The following RO60 variants were observed in gnomAD, a reference collection of about 807,000 sequenced individuals.
The protein encoded by RO60 is RNA-binding protein RO60.
RO60 carries 20 observed loss-of-function variants against 55.3 expected under a neutral mutation model. The observed-to-expected ratio is 0.36, with a 90% CI of 0.25 to 0.53. RO60 has a LOEUF of 0.53. RO60 is among the 20% of genes least tolerant of loss of function. RO60 has a pLI of 0.92. For synonymous variants in RO60, 213 were observed against 213.6 expected, an observed-to-expected ratio of 1.00 and a Z score of 0.02; for missense variants, 558 against 646.6, an observed-to-expected ratio of 0.86 and a Z score of 1.49.
intron 1 of RO60, among the ~76,000 whole-genome samples, chr1:193,063,034 T>G (rs989525056): frequency 6.6e-6 from 1 of 152,230 alleles, no homozygotes; most frequent in African/African-American, 2.4e-5. Context: ...GTATTCATTT[T>G]TCTTAGGTGT....
chr1:193,063,685 G>T (rs1446919947), intron 1 of RO60, among the ~76,000 whole-genome samples: 22 of 152,186 alleles, frequency 1.4e-4, no homozygotes, highest in Non-Finnish European at 4.4e-5. Context: ...GCTGCCCAGG[G>T]TTGGCATCAG....
chr1:193,091,772 A>T, downstream of RO60: 1 of 1,117,230 alleles, frequency 9.0e-7, no homozygotes, highest in Non-Finnish European at 1.3e-6. Flanking sequence ...CTCTATGCAC[A>T]TTAAACAAGT....
At chr1:193,076,812 T>C (rs1010053495) in intron 4 of RO60, 101 bp from the exon 5 acceptor site, 13 of 1,378,106 alleles carry the variant, frequency 9.4e-6, no homozygotes, top group Non-Finnish European at 1.3e-5. Flanking sequence ...TTTTTCTCTT[T>C]TCTATATGAA....
rs905275593 is a variant in RO60, at chr1:193,069,739, G to C, written c.580+105G>C. 15 of 895,638 alleles carry C rather than the reference G, an allele frequency of 1.7e-5. No homozygotes were observed. The African/African-American group carries it at 2.2e-4, about 13-fold the overall frequency. 55.5% of individuals were successfully genotyped at this position (895,638 alleles called of 1,614,324 possible). On this transcript the variant is annotated intron_variant, in intron 2 of 8. Coordinates refer to ENST00000400968, the MANE Select transcript of RO60 (RefSeq NM_001173524.2). ...AAGTGTGTAATATTTTCTAGAAATA[G>C]CCTTTTATTCTCAAAATATACATTA...
At chr1:193,061,629 T>TA (rs1672744965) in intron 1 of RO60, among the ~76,000 whole-genome samples, 1 of 152,266 alleles carries the variant, frequency 6.6e-6, no homozygotes, top group African/African-American at 2.4e-5. Context: ...TTTTGCATTC[T>TA]AAATTAAATT....
Position 193,084,603 on chromosome 1 carries a change from A to G in RO60, c.1489A>G (p.Ile497Val), listed in dbSNP as rs749159363. Residue 497 changes from isoleucine to valine, a missense_variant, in exon 9 of 9, where the codon ATT (isoleucine) becomes GTT (valine). Ile to Val is a conservative substitution (Grantham distance 29, BLOSUM62 3). Transcript: ENST00000400968. ...GAAAATGGATATTCCAGCTAAATTG[A>G]TTGTTTGTGGAATGACATCAAATGG... ...RKKMDIPAKL[I>V]VCGMTSNGFT... 14 of 1,612,314 alleles carry G rather than the reference A, an allele frequency of 8.7e-6. No homozygotes were observed. The highest frequency in any genetic ancestry group is 1.1e-5 in the South Asian group (1 of 90,554).
chr1:193,077,397 G>A (rs1294604400), intron 5 of RO60, among the ~76,000 whole-genome samples: 1 of 152,184 alleles, frequency 6.6e-6, no homozygotes, highest in Non-Finnish European at 1.5e-5. Context: ...AGGTTGTAGA[G>A]GAAGCACAGT....
At chr1:193,076,456 A>AT in intron 3 of RO60, 45 bp from the exon 4 acceptor site, 1 of 1,591,590 alleles carries the variant, frequency 6.3e-7, no homozygotes, top group Non-Finnish European at 8.5e-7. Context: ...ATACTGATTT[A>AT]TTTTCCCTTA....
At chr1:193,060,692 A>G (rs1209166291) in intron 1 of RO60, among the ~76,000 whole-genome samples, 1 of 152,230 alleles carries the variant, frequency 6.6e-6, no homozygotes, top group Non-Finnish European at 1.5e-5. Context: ...TGAGTACGCT[A>G]TGGGGTAGAA....
rs371826009 is a variant in RO60, at chr1:193,084,751, C to A, written c.*20C>A. Reference sequence around the variant, plus strand: ...ATTTAACCATAAGCAGCAGCACGATCCAGAGATCCATTGCCATCAGTGATC... The same window carrying A: ...ATTTAACCATAAGCAGCAGCACGATACAGAGATCCATTGCCATCAGTGATC... On this transcript the variant is annotated 3_prime_UTR_variant, in exon 9 of 9. Transcript: ENST00000400968. The A allele has an allele frequency of 6.2e-7, 1 of 1,602,644 alleles. No individual in the cohort carries two copies. Among genetic ancestry groups the A allele is most frequent in the African/African-American group, 1.3e-5 (1 of 74,370 alleles).
chr1:193,086,271 G>T lies in RO60; in HGVS notation c.*1540G>T, dbSNP rs985396628. ...TGTGAAATTTGGGCTCTGGGAATAAGAAAATATTCCTTTCAAATTTATTTG... is the reference window on the plus strand; with the variant it reads ...TGTGAAATTTGGGCTCTGGGAATAATAAAATATTCCTTTCAAATTTATTTG... On this transcript the variant is annotated 3_prime_UTR_variant, in exon 9 of 9. Transcript: ENST00000400968. 1.3e-5 allele frequency: 2 copies of T among 153,466 alleles called. No individual in the cohort carries two copies. The highest frequency in any genetic ancestry group is 4.8e-5 in the African/African-American group (2 of 41,436). The allele number at this position is 153,466 out of a possible 1,614,324, so 9.5% of individuals were successfully genotyped here. A position where few individuals can be genotyped will look rare whatever the true frequency, so the allele number is the denominator to read the frequency against.
chr1:193,084,059 A>C (rs1674495996), intron 8 of RO60, among the ~76,000 whole-genome samples: 2 of 152,222 alleles, frequency 1.3e-5, no homozygotes, highest in Admixed American at 6.5e-5. Flanking sequence ...GTAGTTTCTC[A>C]TGTGTATACA....
Position 193,069,159 on chromosome 1 carries a change from G to T in RO60, c.105G>T (p.Arg35=), listed in dbSNP as rs533742211. 3.0e-5 allele frequency: 49 copies of T among 1,614,192 alleles called. No individual in the cohort carries two copies. The South Asian group carries it at 4.6e-4, about 15-fold the overall frequency. ...WQVTDMNRLH[R]FLCFGSEGGT... ...TCACTGACATGAATCGACTACACCGGTTCTTATGTTTCGGTTCTGAAGGTG... is the reference window on the plus strand; with the variant it reads ...TCACTGACATGAATCGACTACACCGTTTCTTATGTTTCGGTTCTGAAGGTG... Residue 35 remains arginine (R), a synonymous_variant, in exon 2 of 9, where the codon CGG becomes CGT. Transcript: ENST00000400968.
chr1:193,063,835 A>T (rs1432728649), intron 1 of RO60, among the ~76,000 whole-genome samples: 1 of 152,244 alleles, frequency 6.6e-6, no homozygotes, highest in Non-Finnish European at 1.5e-5. Flanking sequence ...CTCAAGGCTG[A>T]TAGTTCACTA....
At chr1:193,067,540 A>G (rs1424770645) in intron 1 of RO60, among the ~76,000 whole-genome samples, 1 of 151,940 alleles carries the variant, frequency 6.6e-6, no homozygotes, top group Non-Finnish European at 1.5e-5. Flanking sequence ...CATGTCTTAC[A>G]CATAGTATGT....
At position 193,088,162 on chromosome 1, in the gene RO60, CTTTTTT is replaced by C. The variant is rs145943712; in HGVS notation, c.*3457_*3462del. On this transcript the variant is annotated 3_prime_UTR_variant, in exon 9 of 9. Coordinates refer to ENST00000400968, the MANE Select transcript of RO60 (RefSeq NM_001173524.2). ...GGTGTGCACTGCACTACCACGCCTG[CTTTTTT>C]TTTTTTTTTTTTTTTTTTTTTTTTT... 15 of 44,400 alleles carry C rather than the reference CTTTTTT, an allele frequency of 3.4e-4. No homozygotes were observed. Among genetic ancestry groups the C allele is most frequent in the East Asian group, 1.6e-3 (3 of 1,896 alleles). The allele number at this position is 44,400 out of a possible 1,614,324, so 2.8% of individuals were successfully genotyped here.
chr1:193,066,599 C>G (rs751719611), intron 1 of RO60, among the ~76,000 whole-genome samples: 12 of 152,180 alleles, frequency 7.9e-5, no homozygotes, highest in Non-Finnish European at 1.6e-4. Context: ...TGTCGGTTTT[C>G]TTCAACTCTG....
chr1:193,090,931 T>C lies in RO60; in HGVS notation c.*6200T>C, dbSNP rs73054122. The C allele has an allele frequency of 4.7e-4, 71 of 152,268 alleles. No individual in the cohort carries two copies. The highest frequency in any genetic ancestry group is 1.7e-3 in the African/African-American group (71 of 41,576). 9.4% of individuals were successfully genotyped at this position (152,268 alleles called of 1,614,324 possible). ...TAAGTATTACATTTTAAAACCTGAT[T>C]GTACATTGGTAATTTAAACATCCAA... On this transcript the variant is annotated 3_prime_UTR_variant, in exon 9 of 9. Coordinates refer to ENST00000400968, the MANE Select transcript of RO60 (RefSeq NM_001173524.2).
Position 193,085,443 on chromosome 1 carries a change from T to G in RO60, c.*712T>G, listed in dbSNP as rs1405225378. 1.0e-6 allele frequency: 1 copy of G among 985,468 alleles called. No individual in the cohort carries two copies. Among genetic ancestry groups the G allele is most frequent in the Non-Finnish European group, 1.2e-6 (1 of 830,378 alleles). 61.0% of individuals were successfully genotyped at this position (985,468 alleles called of 1,614,324 possible). On this transcript the variant is annotated 3_prime_UTR_variant, in exon 9 of 9. Coordinates refer to ENST00000400968, the MANE Select transcript of RO60 (RefSeq NM_001173524.2). ...GTTGGCTGAGGGATTCTATTTGGTTTGCTTTTTTTTTTTTGCTTTGTTATA... is the reference window on the plus strand; with the variant it reads ...GTTGGCTGAGGGATTCTATTTGGTTGGCTTTTTTTTTTTTGCTTTGTTATA...
Sources: allele counts gnomAD v4.1 joint callset (sites outside exome capture counted in the v4.1 genomes callset), GRCh38; gene constraint gnomAD v4.1.1; transcripts MANE v1.5; gene names NCBI Gene and HGNC (gene_info 2026-07-23, HGNC 2026-07-21).